The following FKBP11 variants were observed in gnomAD, a reference collection of about 807,000 sequenced individuals.
FKBP11 encodes peptidyl-prolyl cis-trans isomerase FKBP11.
A neutral mutation model predicts 24.7 loss-of-function variants in FKBP11; 21 were observed. That is an observed-to-expected ratio of 0.85 (90% CI 0.60 to 1.23). The LOEUF (loss-of-function observed/expected upper bound fraction) is 1.23. Among genes scored for constraint, FKBP11 ranks in the 50% most tolerant of loss-of-function variants. The pLI is 0.00. For synonymous variants in FKBP11, 106 were observed against 100.6 expected, an observed-to-expected ratio of 1.05 and a Z score of -0.32; for missense variants, 245 against 248.7, an observed-to-expected ratio of 0.99 and a Z score of 0.10.
intron 5 of FKBP11, chr12:48,922,446 G>A (rs965044373): frequency 2.3e-6 from 2 of 873,458 alleles, no homozygotes; most frequent in Admixed American, 3.9e-5. Flanking sequence ...TTTGAATGCA[G>A]GAAAACTTTC....
chr12:48,930,209 G>A (rs1392785085), upstream of FKBP11, among the ~76,000 whole-genome samples: 1 of 152,198 alleles, frequency 6.6e-6, no homozygotes, highest in African/African-American at 2.4e-5. Context: ...AAATCTCTAA[G>A]ACAAATGTAT....
At chr12:48,926,224 C>CTCT (rs1939960679), upstream of FKBP11, 1 of 85,788 alleles carries the variant, frequency 1.2e-5, no homozygotes, top group Non-Finnish European at 2.1e-5. Flanking sequence ...AAAGACTTCA[C>CTCT]TTTTTTTTTT....
intron 4 of FKBP11, 138 bp from the exon 5 acceptor site, chr12:48,923,990 G>A (rs1341412102): frequency 1.0e-5 from 10 of 961,904 alleles, no homozygotes; most frequent in Non-Finnish European, 1.5e-5. Context: ...CACCAAACAG[G>A]CTGGCCAGCA....
Position 48,925,099 on chromosome 12 carries a change from C to G in FKBP11, c.142G>C (p.Glu48Gln). 1 of 1,608,276 alleles carries G rather than the reference C, an allele frequency of 6.2e-7. No homozygotes were observed. Among genetic ancestry groups the G allele is most frequent in the Non-Finnish European group, 8.5e-7 (1 of 1,177,226 alleles). ...AAAGCAGCGGGCTCGGCACATGGTTCTGGGGGCTCCACCTACGATCGGACT... is the reference window on the plus strand; with the variant it reads ...AAAGCAGCGGGCTCGGCACATGGTTGTGGGGGCTCCACCTACGATCGGACT... ...LQVETLVEPPEPCAEPAAFGD... is the reference protein window; with the variant it reads ...LQVETLVEPPQPCAEPAAFGD... The change falls in exon 2 of 6, where the codon GAA becomes CAA. Residue 48 changes from glutamate to glutamine, a missense_variant. Physicochemically the swap from Glu to Gln is conservative, Grantham distance 29. Coordinates refer to ENST00000550765, the MANE Select transcript of FKBP11 (RefSeq NM_016594.3).
At chr12:48,932,261 ATTTTTT>A in the FKBP11 span, among the ~76,000 whole-genome samples, 181 of 30,186 alleles carry the variant, frequency 6.0e-3, no homozygotes, top group East Asian at 0.013. Flanking sequence ...ATATATATAT[ATTTTTT>A]TTTTTTTTTT....
At chr12:48,934,865 A>C in the FKBP11 span, among the ~76,000 whole-genome samples, 1 of 151,862 alleles carries the variant, frequency 6.6e-6, no homozygotes, top group South Asian at 2.1e-4. Context: ...ATACAAAATT[A>C]GCCGGGTGTG....
chr12:48,932,754 T>C, the FKBP11 span, among the ~76,000 whole-genome samples: 1 of 152,004 alleles, frequency 6.6e-6, no homozygotes, highest in Non-Finnish European at 1.5e-5. Context: ...CTGAACGATA[T>C]ATGGGATGGA....
intron 1 of FKBP11, 72 bp downstream of exon 1, chr12:48,925,228 C>T (rs1939935249): frequency 6.3e-7 from 1 of 1,588,876 alleles, no homozygotes; most frequent in Non-Finnish European, 8.6e-7. Context: ...CTCCCAGGTT[C>T]GCTGAGACCC....
chr12:48,928,818 C>CTTTTTTTTTTTTT (rs1196484675), upstream of FKBP11, among the ~76,000 whole-genome samples: 9 of 94,236 alleles, frequency 9.6e-5, no homozygotes, highest in African/African-American at 1.2e-4. Context: ...AAACTTCTAT[C>CTTTTTTTTTTTTT]TTTTTTTTTT....
the FKBP11 span, chr12:48,939,007 G>A: frequency 1.5e-5 from 24 of 1,613,358 alleles, 1 homozygote; most frequent in South Asian, 4.4e-5. The surrounding 1 kb of genome is among the most constrained non-coding windows in gnomAD (Gnocchi z 4.8). Flanking sequence ...GCCCGTCCCC[G>A]CTGGTGGCAC....
the FKBP11 span, chr12:48,938,981 T>C: frequency 1.2e-6 from 2 of 1,612,752 alleles, no homozygotes; most frequent in Non-Finnish European, 1.7e-6. Context: ...GGCCAGCCAG[T>C]CCAGGCCTTC....
At chr12:48,931,360 G>C, upstream of FKBP11, 1 of 1,454,276 alleles carries the variant, frequency 6.9e-7, no homozygotes, top group Admixed American at 2.0e-5. Context: ...GTAGGAGAAG[G>C]TGGTAGTAGA....
In FKBP11 at chr12:48,925,092, C is replaced by G. The variant is rs377314933; in HGVS notation, c.149G>C (p.Cys50Ser). The change falls in exon 2 of 6, where the codon TGT (cysteine) becomes TCT (serine). Residue 50 changes from cysteine to serine, a missense_variant. Transcript: ENST00000550765. The stretch of plus-strand genomic sequence containing the variant: ...GTCTCCAAAAGCAGCGGGCTCGGCA[C>G]ATGGTTCTGGGGGCTCCACCTACGA... ...VETLVEPPEP[C>S]AEPAAFGDTL... 10 of 1,613,700 alleles carry G rather than the reference C, an allele frequency of 6.2e-6. No individual in the cohort carries two copies. Among genetic ancestry groups the G allele is most frequent in the Middle Eastern group, 1.6e-4 (1 of 6,084 alleles).
chr12:48,925,639 G>A (rs1028903996), upstream of FKBP11: 1 of 618,152 alleles, frequency 1.6e-6, no homozygotes, highest in Non-Finnish European at 2.8e-6. Flanking sequence ...TCCAAGATCC[G>A]GAGGGCGCAG....
At chr12:48,924,747 A>G in intron 2 of FKBP11, 99 bp from the exon 3 acceptor site, 1 of 1,558,830 alleles carries the variant, frequency 6.4e-7, no homozygotes. Context: ...CAGCCCCCTT[A>G]GTGCGGCAGC....
chr12:48,924,196 C>G, intron 4 of FKBP11, 27 bp downstream of exon 4: 2 of 1,613,984 alleles, frequency 1.2e-6, no homozygotes, highest in Non-Finnish European at 1.7e-6. Flanking sequence ...AGGGGGTACC[C>G]AGGCCCACCC....
At chr12:48,926,897 C>T (rs1436388170), upstream of FKBP11, among the ~76,000 whole-genome samples, 3 of 152,156 alleles carry the variant, frequency 2.0e-5, no homozygotes, top group Non-Finnish European at 4.4e-5. Context: ...GCAACCTCCA[C>T]CTCCCGGGTT....
At chr12:48,938,407 G>A in the FKBP11 span, 1 of 454,284 alleles carries the variant, frequency 2.2e-6, no homozygotes. Flanking sequence ...TGCAAGCCCT[G>A]AGCTTCACTC....
upstream of FKBP11, among the ~76,000 whole-genome samples, chr12:48,930,384 G>A (rs1258229218): frequency 6.6e-6 from 1 of 152,204 alleles, no homozygotes; most frequent in African/African-American, 2.4e-5. Flanking sequence ...ATGGGAGAGA[G>A]AAGAGTAAGG....
Sources: gnomAD v4.1 joint callset for allele counts (sites outside exome capture counted in the v4.1 genomes callset) on GRCh38, gnomAD v4.1.1 for gene constraint, Gnocchi (gnomAD v3.1) non-coding constraint, MANE v1.5 for transcripts, NCBI Gene and HGNC (gene_info 2026-07-23, HGNC 2026-07-21) for gene names.